The following ABCC1 variants were observed in gnomAD, a reference collection of about 807,000 sequenced individuals.
The protein encoded by ABCC1 is ATP binding cassette subfamily C member 1 (ABCC1 blood group).
In ABCC1, 83 loss-of-function variants were observed where a neutral mutation model predicts 172.9. The observed-to-expected ratio is 0.48, with a 90% CI of 0.40 to 0.58. The LOEUF (loss-of-function observed/expected upper bound fraction) is 0.58, where lower values mean the gene tolerates loss of function less well. ABCC1 is among the 20% of genes least tolerant of loss of function. The pLI, the probability that ABCC1 is intolerant of heterozygous loss-of-function variation, is 0.00. For synonymous variants in ABCC1, 937 were observed against 825.2 expected (o/e 1.14, Z -2.32); for missense variants, 1,817 against 2,002.7 (o/e 0.91, Z 1.77).
intron 11 of ABCC1, among the ~76,000 whole-genome samples, chr16:16,054,010 T>G (rs2049541371): frequency 6.6e-6 from 1 of 151,550 alleles, no homozygotes; most frequent in Non-Finnish European, 1.5e-5. Flanking sequence ...AGTCTCACTT[T>G]GTTGCCCAGG....
Position 16,047,600 on chromosome 16 carries a change from G to A in ABCC1, c.1219-542G>A, listed in dbSNP as rs544396744. The stretch of plus-strand genomic sequence containing the variant: ...AACTGGGGGCGAGGGCATGTAGTGG[G>A]TCGAGGCCAGGTATTGCTGCTAAAA... On this transcript the variant is annotated intron_variant, in intron 9 of 30. Coordinates refer to ENST00000399410, the MANE Select transcript of ABCC1 (RefSeq NM_004996.4). 2.6e-4 allele frequency among the ~76,000 whole-genome samples: 39 copies of A among 152,242 alleles called. No homozygotes were observed. In the South Asian group the frequency reaches 4.6e-3, roughly 18 times the overall value.
chr16:16,125,592 C>T lies in ABCC1; in HGVS notation c.3718-218C>T, dbSNP rs953083691. Among the ~76,000 whole-genome samples the T allele has an allele frequency of 8.6e-5, 13 of 152,030 alleles. No individual in the cohort carries two copies. The East Asian group carries it at 2.5e-3, about 29-fold the overall frequency. On this transcript the variant is annotated intron_variant, in intron 25 of 30. Transcript: ENST00000399410. ...TACAGGTGTGCGTCACCATGCCTGGCTAATTTTTATATTTTTAGTAGTGAC... is the reference window on the plus strand; with the variant it reads ...TACAGGTGTGCGTCACCATGCCTGGTTAATTTTTATATTTTTAGTAGTGAC...
At chr16:16,066,725 C>T (rs746254802) in intron 12 of ABCC1, among the ~76,000 whole-genome samples, 5 of 150,952 alleles carry the variant, frequency 3.3e-5, no homozygotes, top group African/African-American at 9.7e-5. Context: ...ATGGCGAAAC[C>T]CCATCTCTAC....
At chr16:16,038,089 T>C (rs1245441192) in intron 7 of ABCC1, among the ~76,000 whole-genome samples, 1 of 151,308 alleles carries the variant, frequency 6.6e-6, no homozygotes, top group African/African-American at 2.4e-5. Flanking sequence ...GGATGATAGA[T>C]TGATAGATGA....
At chr16:16,039,270 T>C (rs1399894721) in intron 7 of ABCC1, among the ~76,000 whole-genome samples, 37 of 137,002 alleles carry the variant, frequency 2.7e-4, no homozygotes, top group Non-Finnish European at 2.9e-4. Context: ...TGTTTTCTTT[T>C]TTTTTTTTTT....
intron 6 of ABCC1, among the ~76,000 whole-genome samples, chr16:16,034,023 C>CTTTTTTTTTTTTTTTTTTTTTTTT (rs10580146): frequency 1.2e-5 from 1 of 86,830 alleles, no homozygotes; most frequent in South Asian, 4.2e-4. Context: ...TAAGCATCAT[C>CTTTTTTTTTTTTTTTTTTTTTTTT]TTTTTTTTTT....
At chr16:15,962,371 T>C (rs1327652189) in intron 1 of ABCC1, among the ~76,000 whole-genome samples, 1 of 152,240 alleles carries the variant, frequency 6.6e-6, no homozygotes, top group Admixed American at 6.5e-5. Flanking sequence ...TTTTTACACC[T>C]AAACTAATTT....
chr16:16,019,224 C>T (rs2048112693), intron 5 of ABCC1, among the ~76,000 whole-genome samples: 2 of 152,098 alleles, frequency 1.3e-5, no homozygotes, highest in South Asian at 2.1e-4. Context: ...CTGCTTCAGC[C>T]TCCTGAGTAG....
chr16:16,063,661 A>G (rs2050003245), intron 12 of ABCC1, among the ~76,000 whole-genome samples: 1 of 152,198 alleles, frequency 6.6e-6, no homozygotes, highest in Non-Finnish European at 1.5e-5. Context: ...ATGGGGTTCC[A>G]GGCATGGCTG....
Position 16,052,824 on chromosome 16 carries a change from A to G in ABCC1, c.1473+8A>G, listed in dbSNP as rs2049488200. On this transcript the variant is annotated splice_region_variant and intron_variant, in intron 11 of 30. Coordinates refer to ENST00000399410, the MANE Select transcript of ABCC1 (RefSeq NM_004996.4). ...AAGACCAAGACGTATCAGGTAAGGC[A>G]TGTGTCTCTGCGGGCCCCCAAGCCG... 3 of 1,613,884 alleles carry G rather than the reference A, an allele frequency of 1.9e-6. No homozygotes were observed. Among genetic ancestry groups the G allele is most frequent in the African/African-American group, 1.3e-5 (1 of 74,886 alleles).
At chr16:15,955,594 G>A (rs1365206216) in intron 1 of ABCC1, among the ~76,000 whole-genome samples, 1 of 152,088 alleles carries the variant, frequency 6.6e-6, no homozygotes, top group Non-Finnish European at 1.5e-5. Context: ...TTGTGGCCAG[G>A]CCTGTCCCTG....
Position 16,007,839 on chromosome 16 carries a change from C to T in ABCC1, c.72C>T (p.Thr24=), listed in dbSNP as rs1228665820. 1 of 1,612,868 alleles carries T rather than the reference C, an allele frequency of 6.2e-7. No homozygotes were observed. Residue 24 remains threonine, a synonymous_variant, in exon 2 of 31, where the codon ACC becomes ACT. Transcript: ENST00000399410. Reference sequence around the variant, plus strand: ...AGGACTGGAATGTCACGTGGAATACCAGCAACCCCGACTTCACCAAGTGCT... The same window carrying T: ...AGGACTGGAATGTCACGTGGAATACTAGCAACCCCGACTTCACCAAGTGCT... The part of the protein sequence containing the change: ...PLWDWNVTWN[T]SNPDFTKCFQ...
chr16:16,055,375 C>T (rs1383060443), intron 11 of ABCC1, among the ~76,000 whole-genome samples: 1 of 151,884 alleles, frequency 6.6e-6, no homozygotes, highest in Non-Finnish European at 1.5e-5. Flanking sequence ...CATGGTGAAG[C>T]CCCGTCTCTA....
At chr16:15,991,910 C>T (rs369897031) in intron 1 of ABCC1, among the ~76,000 whole-genome samples, 10 of 152,100 alleles carry the variant, frequency 6.6e-5, no homozygotes, top group African/African-American at 2.4e-4. Flanking sequence ...CCCCAGAGCA[C>T]GGACTGGCAC....
At chr16:16,000,987 G>A (rs1320748696) in intron 1 of ABCC1, among the ~76,000 whole-genome samples, 2 of 152,206 alleles carry the variant, frequency 1.3e-5, no homozygotes, top group Non-Finnish European at 2.9e-5. Flanking sequence ...TTGACCAGCA[G>A]TTGGGGAATG....
At chr16:16,100,425 T>C (rs762842525) in intron 19 of ABCC1, among the ~76,000 whole-genome samples, 9 of 152,142 alleles carry the variant, frequency 5.9e-5, no homozygotes, top group Non-Finnish European at 1.0e-4. Context: ...TTCTGGAACA[T>C]TCTCATCCCT....
At position 16,126,590 on chromosome 16, in the gene ABCC1, G is replaced by A. The variant is rs952502553; in HGVS notation, c.3819+679G>A. ...GTAGAGATGGGGGTTTCACTAAGTT[G>A]GCCAGTCTGGTCTCAAACTCTTGAC... On this transcript the variant is annotated intron_variant, in intron 26 of 30. Transcript: ENST00000399410. Among the ~76,000 whole-genome samples, 13 of 152,228 alleles carry A rather than the reference G, an allele frequency of 8.5e-5. No individual in the cohort carries two copies. The South Asian group carries it at 1.2e-3, about 15-fold the overall frequency.
At chr16:16,139,461 AAGT>A (rs1027737298) in intron 30 of ABCC1, among the ~76,000 whole-genome samples, 1 of 151,562 alleles carries the variant, frequency 6.6e-6, no homozygotes, top group Admixed American at 6.6e-5. Flanking sequence ...AAAATACAAA[AAGT>A]AGCCAAGTGT....
rs757068084 is a variant in ABCC1 at position 16,009,822 on chromosome 16, A to T, written c.272A>T (p.Tyr91Phe). 3 of 1,609,772 alleles carry T rather than the reference A, an allele frequency of 1.9e-6. No individual in the cohort carries two copies. The highest frequency in any genetic ancestry group is 2.5e-6 in the Non-Finnish European group (3 of 1,178,470). Residue 91 changes from tyrosine to phenylalanine, a missense_variant, in exon 3 of 31, where the codon TAC becomes TTC. Tyr to Phe is a conservative substitution (Grantham distance 22, BLOSUM62 3). This residue lies in a region of ABCC1 where 398 missense variants were observed against 384.2 expected (regional missense o/e 1.04). Transcript: ENST00000399410. The stretch of plus-strand genomic sequence containing the variant: ...ATCGTCTGCTGGGCAGACCTCTTCT[A>T]CTCTTTCTGGGAAAGAAGTCGGGGC... ...LWIVCWADLF[Y>F]SFWERSRGIF...
Sources: gnomAD v4.1 joint callset for allele counts (sites outside exome capture counted in the v4.1 genomes callset) on GRCh38, gnomAD v4.1.1 for gene constraint, gnomAD v4.1.1 regional missense constraint, MANE v1.5 for transcripts, NCBI Gene and HGNC (gene_info 2026-07-23, HGNC 2026-07-21) for gene names.